The following PLXNA1 variants were observed in gnomAD, a reference collection of about 807,000 sequenced individuals.
The protein encoded by PLXNA1 is plexin-A1.
PLXNA1 carries 77 observed loss-of-function variants against 191.7 expected under a neutral mutation model. The observed-to-expected ratio is 0.40, with a 90% CI of 0.33 to 0.49. The LOEUF is 0.49. Ranked by LOEUF, PLXNA1 falls within the 20% of genes least tolerant of loss-of-function variation. The pLI, the probability that PLXNA1 is intolerant of heterozygous loss-of-function variation, is 0.63. For synonymous variants in PLXNA1, 1,137 were observed against 1,156.4 expected, an observed-to-expected ratio of 0.98 and a Z score of 0.34; for missense variants, 2,110 against 2,660.2, an observed-to-expected ratio of 0.79 and a Z score of 4.55.
intron 29 of PLXNA1, among the ~76,000 whole-genome samples, chr3:127,032,174 C>A (rs1361716732): frequency 6.6e-6 from 1 of 152,236 alleles, no homozygotes; most frequent in Non-Finnish European, 1.5e-5. Flanking sequence ...TGATGCTCTG[C>A]GTGAGATGCA....
At chr3:127,030,701 G>C (rs1473095169) in intron 29 of PLXNA1, among the ~76,000 whole-genome samples, 2 of 152,240 alleles carry the variant, frequency 1.3e-5, no homozygotes, top group African/African-American at 2.4e-5. Flanking sequence ...GCGGACATGA[G>C]TGTGGGCTGC....
chr3:127,028,134 C>T lies in PLXNA1; in HGVS notation c.4510-47C>T, dbSNP rs1257614982. The T allele has an allele frequency of 1.9e-6, 3 of 1,613,076 alleles. No homozygotes were observed. In the African/African-American group the frequency reaches 4.0e-5, roughly 22 times the overall value. Reference sequence around the variant, plus strand: ...CTGGGTGCCCTGGTGCCCCCCACCCCCCAGTTGTGGGGCTGACGCTGCCCC... The same window carrying T: ...CTGGGTGCCCTGGTGCCCCCCACCCTCCAGTTGTGGGGCTGACGCTGCCCC... On this transcript the variant is annotated intron_variant, in intron 24 of 31. Transcript: ENST00000393409.
chr3:127,016,534 T>G lies in PLXNA1; in HGVS notation c.3032T>G (p.Ile1011Ser), dbSNP rs568445848. ...ACCTCCAGGAGGAACTCCCGTGAGATCCGGTGCCTGACACCCCCCGGGCAG... is the reference window on the plus strand; with the variant it reads ...ACCTCCAGGAGGAACTCCCGTGAGAGCCGGTGCCTGACACCCCCCGGGCAG... ...CSFSWRNSRE[I>S]RCLTPPGQSP... The change falls in exon 16 of 32, where the codon ATC becomes AGC. Residue 1011 changes from isoleucine to serine, a missense_variant. Physicochemically the swap from Ile to Ser is moderately radical, Grantham distance 142 (BLOSUM62 -2). Coordinates refer to ENST00000393409, the MANE Select transcript of PLXNA1 (RefSeq NM_032242.4). 2 of 1,613,710 alleles carry G rather than the reference T, an allele frequency of 1.2e-6. No individual in the cohort carries two copies. Among genetic ancestry groups the G allele is most frequent in the African/African-American group, 2.7e-5 (2 of 74,998 alleles).
intron 3 of PLXNA1, among the ~76,000 whole-genome samples, chr3:126,992,809 G>A (rs1347273376): frequency 6.6e-6 from 1 of 152,088 alleles, no homozygotes; most frequent in Non-Finnish European, 1.5e-5. Context: ...TTCCCTCTTG[G>A]CCCCCATGTG....
intron 15 of PLXNA1, among the ~76,000 whole-genome samples, chr3:127,016,089 C>T (rs1442015622): frequency 6.6e-6 from 1 of 152,108 alleles, no homozygotes; most frequent in East Asian, 1.9e-4. Flanking sequence ...TTAGTCTCGC[C>T]AGCCCTCCCC....
rs548582865 is a variant in PLXNA1 at position 127,036,689 on chromosome 3, C to T, written c.*2672C>T. On this transcript the variant is annotated 3_prime_UTR_variant, in exon 32 of 32. Coordinates refer to ENST00000393409, the MANE Select transcript of PLXNA1 (RefSeq NM_032242.4). ...CCTGGTAGGAGCTGCAGTTGGAGGC[C>T]GTTCTGTGCCCAGCAGCGGTGAGCG... is the stretch of plus-strand genomic sequence containing the variant. 2.0e-5 allele frequency: 3 copies of T among 152,414 alleles called. No individual in the cohort carries two copies. The highest frequency in any genetic ancestry group is 2.9e-5 in the Non-Finnish European group (2 of 68,104). The allele number at this position is 152,414 out of a possible 1,614,324, so 9.4% of individuals were successfully genotyped here.
At chr3:127,024,881 T>C (rs1290710950) in intron 23 of PLXNA1, among the ~76,000 whole-genome samples, 1 of 151,968 alleles carries the variant, frequency 6.6e-6, no homozygotes, top group Non-Finnish European at 1.5e-5. Flanking sequence ...ATATCTGGGG[T>C]TTTTTTGTTT....
At chr3:127,006,312 T>G in intron 8 of PLXNA1, 134 bp downstream of exon 8, 1 of 719,256 alleles carries the variant, frequency 1.4e-6, no homozygotes, top group East Asian at 2.7e-5. Context: ...ATTCCATGAT[T>G]GGGGCTCCTG....
intron 3 of PLXNA1, among the ~76,000 whole-genome samples, chr3:127,000,508 T>C (rs1376090423): frequency 1.3e-5 from 2 of 152,194 alleles, no homozygotes; most frequent in Non-Finnish European, 2.9e-5. Flanking sequence ...GCCCCTGTGC[T>C]CTGGTTCTCC....
intron 3 of PLXNA1, among the ~76,000 whole-genome samples, chr3:126,999,702 G>T (rs1301643624): frequency 6.6e-6 from 1 of 152,196 alleles, no homozygotes; most frequent in Non-Finnish European, 1.5e-5. Context: ...ATGGGAGTGG[G>T]TACAGCCAGC....
intron 9 of PLXNA1, among the ~76,000 whole-genome samples, chr3:127,008,185 G>A (rs1260198903): frequency 6.6e-6 from 1 of 152,176 alleles, no homozygotes; most frequent in Non-Finnish European, 1.5e-5. Context: ...CAGGGAGGGG[G>A]AAAAGCCTCA....
chr3:126,983,990 C>T (rs1367707167), intron 1 of PLXNA1, among the ~76,000 whole-genome samples: 1 of 152,184 alleles, frequency 6.6e-6, no homozygotes, highest in East Asian at 1.9e-4. Flanking sequence ...GGAGGCCGCC[C>T]CGCTCGGGCC....
intron 3 of PLXNA1, among the ~76,000 whole-genome samples, chr3:126,994,474 G>A (rs925286761): frequency 1.3e-5 from 2 of 152,130 alleles, no homozygotes; most frequent in Non-Finnish European, 2.9e-5. Flanking sequence ...ATGGGCAGAG[G>A]GTGCCCTGGG....
Position 127,007,903 on chromosome 3 carries a change from A to G in PLXNA1, c.2102A>G (p.Asn701Ser), listed in dbSNP as rs1364855568. Residue 701 changes from asparagine (N) to serine (S), a missense_variant, in exon 9 of 32, where the codon AAC (asparagine) becomes AGC (serine). Coordinates refer to ENST00000393409, the MANE Select transcript of PLXNA1 (RefSeq NM_032242.4). ...ADCAFLEGRV[N>S]VSEDCPQILP... ...TGCGCCTTCCTGGAGGGCCGTGTCA[A>G]CGTGTCTGAGGTAAGGCCGGGCAAG... 2 of 1,610,314 alleles carry G rather than the reference A, an allele frequency of 1.2e-6. No individual in the cohort carries two copies. The highest frequency in any genetic ancestry group is 1.7e-6 in the Non-Finnish European group (2 of 1,177,650).
intron 1 of PLXNA1, among the ~76,000 whole-genome samples, 128 bp downstream of exon 1, chr3:126,983,415 C>T (rs1211552416): frequency 1.4e-5 from 2 of 146,048 alleles, no homozygotes; most frequent in Non-Finnish European, 3.0e-5. Context: ...TCTCGTGAGG[C>T]GGCAGGCAGG....
Position 127,030,232 on chromosome 3 carries a change from GCCCCCC to G in PLXNA1, c.5062-10_5062-5del. 6.2e-7 allele frequency: 1 copy of G among 1,611,748 alleles called. No individual in the cohort carries two copies. Among genetic ancestry groups the G allele is most frequent in the Non-Finnish European group, 8.5e-7 (1 of 1,178,674 alleles). On this transcript the variant is annotated splice_polypyrimidine_tract_variant and splice_region_variant and intron_variant, in intron 28 of 31. Coordinates refer to ENST00000393409, the MANE Select transcript of PLXNA1 (RefSeq NM_032242.4). ...GCCCTGGGGCTCAGTGTCCCTGCCT[GCCCCCC>G]GCAGGGCACACTGCAGAAGTTTGTG...
intron 20 of PLXNA1, among the ~76,000 whole-genome samples, chr3:127,019,574 C>T (rs1354017252): frequency 1.3e-5 from 2 of 152,196 alleles, no homozygotes; most frequent in Non-Finnish European, 2.9e-5. Flanking sequence ...GCCCAGGAGA[C>T]GAAGACTCCA....
intron 10 of PLXNA1, among the ~76,000 whole-genome samples, chr3:127,013,416 C>T (rs905580652): frequency 2.6e-5 from 4 of 152,316 alleles, no homozygotes; most frequent in East Asian, 1.9e-4. Flanking sequence ...CTCCCTGCAC[C>T]GTCCCAGCAC....
chr3:127,004,631 G>C lies in PLXNA1; in HGVS notation c.1539G>C (p.Glu513Asp), dbSNP rs746821025. 2.6e-5 allele frequency: 41 copies of C among 1,578,126 alleles called. No homozygotes were observed. The South Asian group carries it at 4.6e-4, about 18-fold the overall frequency. ...TEKQVTRVPV[E>D]SCVQYTSCEL... ...ACCAGGTGACGCGGGTGCCTGTGGA[G>C]AGCTGTGTGCAGTACACGTCCTGTG... The change falls in exon 5 of 32, where the codon GAG becomes GAC. Residue 513 changes from glutamate (E) to aspartate (D), a missense_variant. Physicochemically the swap from Glu to Asp is conservative, Grantham distance 45. Around this residue, in one of 4 missense-constraint regions of PLXNA1, gnomAD observed 903 missense variants for 1,015.7 expected, o/e 0.89. Transcript: ENST00000393409.
Sources: gnomAD v4.1 joint callset for allele counts (sites outside exome capture counted in the v4.1 genomes callset) on GRCh38, gnomAD v4.1.1 for gene constraint, gnomAD v4.1.1 regional missense constraint, MANE v1.5 for transcripts, NCBI Gene and HGNC (gene_info 2026-07-23, HGNC 2026-07-21) for gene names.